Variants in RBPMS observed in about 807,000 individuals in gnomAD.
RBPMS encodes the protein RNA binding protein, mRNA processing factor.
In RBPMS, 7 loss-of-function variants were observed where a neutral mutation model predicts 26.8. The observed-to-expected ratio is 0.26, with a 90% CI of 0.15 to 0.49. The LOEUF is 0.49. Among genes scored for constraint, RBPMS ranks in the 20% least tolerant of loss-of-function variants. The probability of loss-of-function intolerance (pLI) is 0.98; values close to 1 mark genes in which losing one functional copy is unlikely to be tolerated. For missense variants in RBPMS, 186 were observed against 250.0 expected (o/e 0.74, Z 1.73); for synonymous variants, 96 against 93.3 (o/e 1.03, Z -0.17).
rs147186237 is a variant in RBPMS, at chr8:30,511,176, G to A, written c.397+6740G>A. On this transcript the variant is annotated intron_variant, in intron 5 of 8. Transcript: ENST00000397323. The stretch of plus-strand genomic sequence containing the variant: ...CTAAAAATACAAAAATTAACTAGGC[G>A]TGGCAGCGCTCACCTGTAATCTCAG... Among the ~76,000 whole-genome samples, 431 of 152,026 alleles carry A rather than the reference G, an allele frequency of 2.8e-3. 3 individuals carry two copies. Among genetic ancestry groups the A allele is most frequent in the African/African-American group, 9.7e-3 (401 of 41,454 alleles).
At chr8:30,513,587 CAA>C (rs56184994) in intron 5 of RBPMS, among the ~76,000 whole-genome samples, 17 of 108,504 alleles carry the variant, frequency 1.6e-4, no homozygotes, top group African/African-American at 3.1e-4. Flanking sequence ...GACTCCATCT[CAA>C]AAAAAAAAAA....
chr8:30,439,957 AC>A (rs946754293), intron 1 of RBPMS, among the ~76,000 whole-genome samples: 54 of 152,258 alleles, frequency 3.5e-4, no homozygotes, highest in Middle Eastern at 3.4e-3. Context: ...AGGCGGGATT[AC>A]TTGAGGCCAG....
chr8:30,444,749 C>T (rs1308815639), intron 1 of RBPMS: 1 of 152,212 alleles, frequency 6.6e-6, no homozygotes, highest in African/African-American at 2.4e-5. Flanking sequence ...CCATGTTCCT[C>T]CTCACTCCAT....
intron 1 of RBPMS, among the ~76,000 whole-genome samples, chr8:30,467,339 G>T (rs954139778): frequency 3.9e-5 from 6 of 152,188 alleles, no homozygotes; most frequent in Non-Finnish European, 8.8e-5. Context: ...AAGAGTAAAA[G>T]AAGTTAACCA....
chr8:30,522,516 G>C (rs1823164456), intron 5 of RBPMS, among the ~76,000 whole-genome samples: 1 of 151,976 alleles, frequency 6.6e-6, no homozygotes, highest in Non-Finnish European at 1.5e-5. Flanking sequence ...TCAAAACACA[G>C]ACACACACAT....
intron 4 of RBPMS, among the ~76,000 whole-genome samples, chr8:30,499,780 A>G (rs1820356206): frequency 2.0e-5 from 3 of 152,200 alleles, no homozygotes; most frequent in Admixed American, 1.3e-4. Flanking sequence ...AGGAAAACAA[A>G]GAGATGTCCT....
At chr8:30,464,628 A>G (rs979007363) in intron 1 of RBPMS, among the ~76,000 whole-genome samples, 4 of 152,204 alleles carry the variant, frequency 2.6e-5, no homozygotes, top group Non-Finnish European at 4.4e-5. Flanking sequence ...TCTTCCTGGT[A>G]CTTTAAATGA....
chr8:30,539,317 G>C (rs1367318845), intron 5 of RBPMS, among the ~76,000 whole-genome samples: 1 of 152,098 alleles, frequency 6.6e-6, no homozygotes. Context: ...CTTTCCAGGG[G>C]ACTTGTCATC....
intron 5 of RBPMS, among the ~76,000 whole-genome samples, chr8:30,536,293 A>G (rs1379404358): frequency 6.6e-6 from 1 of 151,980 alleles, no homozygotes; most frequent in African/African-American, 2.4e-5. Flanking sequence ...ACGCCCAGCT[A>G]ATTTTGTAGT....
At position 30,566,312 on chromosome 8, in the gene RBPMS, C is replaced by CA; in HGVS notation, c.*64dup. ...GTCTTGTGGGTATTAATGCAATCTT[C>CA]AGTGGTGGCTACTGTTCTCTAGCTG... On this transcript the variant is annotated 3_prime_UTR_variant, in exon 8 of 9. Coordinates refer to ENST00000397323, the MANE Select transcript of RBPMS (RefSeq NM_001008710.3). 1 of 985,410 alleles carries CA rather than the reference C, an allele frequency of 1.0e-6. No homozygotes were observed. Among genetic ancestry groups the CA allele is most frequent in the Non-Finnish European group, 1.2e-6 (1 of 829,548 alleles). The allele number at this position is 985,410 out of a possible 1,614,324, so 61.0% of individuals were successfully genotyped here.
At chr8:30,514,300 T>C (rs1822051330) in intron 5 of RBPMS, among the ~76,000 whole-genome samples, 1 of 152,178 alleles carries the variant, frequency 6.6e-6, no homozygotes, top group Non-Finnish European at 1.5e-5. Flanking sequence ...TGTAGTTCTT[T>C]TAAGGTATGA....
At chr8:30,569,341 A>C (rs935559346) in intron 8 of RBPMS, among the ~76,000 whole-genome samples, 1 of 152,238 alleles carries the variant, frequency 6.6e-6, no homozygotes, top group African/African-American at 2.4e-5. Context: ...TCAGGAAAAT[A>C]ATGCAGGATG....
At chr8:30,523,332 G>A (rs963752133) in intron 5 of RBPMS, among the ~76,000 whole-genome samples, 2 of 150,090 alleles carry the variant, frequency 1.3e-5, no homozygotes, top group Non-Finnish European at 3.0e-5. Context: ...AGCTGAGATC[G>A]TACCACTGCA....
At position 30,467,081 on chromosome 8, in the gene RBPMS, C is replaced by T. The variant is rs539719392; in HGVS notation, c.67-7698C>T. On this transcript the variant is annotated intron_variant, in intron 1 of 8. Transcript: ENST00000397323. ...TCTTGAAGTCAGTGCCAACTAGAAA[C>T]TGGAGCTTGACCAAAGCCAGTTCAT... is the stretch of plus-strand genomic sequence containing the variant. Among the ~76,000 whole-genome samples the T allele has an allele frequency of 1.9e-4, 29 of 152,324 alleles. No homozygotes were observed. The South Asian group carries it at 5.8e-3, about 30-fold the overall frequency.
At chr8:30,459,185 C>A (rs1403963456) in intron 1 of RBPMS, among the ~76,000 whole-genome samples, 2 of 152,174 alleles carry the variant, frequency 1.3e-5, no homozygotes, top group East Asian at 1.9e-4. Context: ...TGGTCTCGAA[C>A]TCCTGACCTC....
chr8:30,475,004 T>A, intron 2 of RBPMS, 148 bp downstream of exon 2: 1 of 616,044 alleles, frequency 1.6e-6, no homozygotes, highest in South Asian at 2.0e-5. Context: ...ACAACTGAGT[T>A]CTAATGTACA....
At chr8:30,496,335 A>AT (rs1375425076) in intron 4 of RBPMS, among the ~76,000 whole-genome samples, 1 of 151,886 alleles carries the variant, frequency 6.6e-6, no homozygotes, top group Non-Finnish European at 1.5e-5. Flanking sequence ...CGCCCGGCTA[A>AT]TTTTTTGTAT....
At chr8:30,527,076 C>T (rs1388529283) in intron 5 of RBPMS, among the ~76,000 whole-genome samples, 1 of 152,220 alleles carries the variant, frequency 6.6e-6, no homozygotes, top group Non-Finnish European at 1.5e-5. Context: ...CTCTCTCCAC[C>T]TCTATTTATT....
chr8:30,489,505 G>C (rs1819150661), intron 4 of RBPMS, among the ~76,000 whole-genome samples: 1 of 152,136 alleles, frequency 6.6e-6, no homozygotes, highest in Non-Finnish European at 1.5e-5. Flanking sequence ...GCCCAGGCTG[G>C]AGTGCAGTGG....
Sources: allele counts gnomAD v4.1 joint callset (sites outside exome capture counted in the v4.1 genomes callset), GRCh38; gene constraint gnomAD v4.1.1; transcripts MANE v1.5; gene names NCBI Gene and HGNC (gene_info 2026-07-23, HGNC 2026-07-21).